TLCD4: variants seen among roughly 807,000 people sequenced by gnomAD.
TLCD4 encodes the protein TLC domain containing 4.
Under a neutral mutation model 24.2 loss-of-function variants are expected in TLCD4, and 7 were observed. The ratio of observed to expected loss-of-function variants is 0.29; its 90% CI spans 0.16 to 0.54. The LOEUF is 0.54. TLCD4 is among the 20% of genes least tolerant of loss of function. The pLI, the probability that TLCD4 is intolerant of heterozygous loss-of-function variation, is 0.95. For synonymous variants in TLCD4, 103 were observed against 106.4 expected (o/e 0.97, Z 0.20); for missense variants, 259 against 313.9 (o/e 0.82, Z 1.32).
At chr1:95,093,799 C>A in the TLCD4 span, among the ~76,000 whole-genome samples, 1 of 152,160 alleles carries the variant, frequency 6.6e-6, no homozygotes, top group African/African-American at 2.4e-5. Context: ...ATGAATTTAC[C>A]ACAGGAGAGA....
At chr1:95,166,828 A>G (rs1167294583) in intron 5 of TLCD4, among the ~76,000 whole-genome samples, 1 of 152,128 alleles carries the variant, frequency 6.6e-6, no homozygotes, top group African/African-American at 2.4e-5. Flanking sequence ...TCCTGAGCTC[A>G]AGTGATCCTC....
Position 95,153,074 on chromosome 1 carries a change from C to CT in TLCD4, c.399+1665dup, listed in dbSNP as rs892844639. ...CCACCATATTATTATTATTTATTTTCTTTTTTTTTTGAGATGGAGTCTTGC... is the reference window on the plus strand; with the variant it reads ...CCACCATATTATTATTATTTATTTTCTTTTTTTTTTTGAGATGGAGTCTTGC... On this transcript the variant is annotated intron_variant, in intron 5 of 6. Coordinates refer to ENST00000370203, the MANE Select transcript of TLCD4 (RefSeq NM_152487.3). Among the ~76,000 whole-genome samples the CT allele has an allele frequency of 1.7e-3, 249 of 148,004 alleles. 1 individual carries two copies. The highest frequency in any genetic ancestry group is 5.3e-3 in the African/African-American group (214 of 40,418).
At chr1:95,119,683 A>T (rs1484384479) in intron 1 of TLCD4, among the ~76,000 whole-genome samples, 1 of 151,830 alleles carries the variant, frequency 6.6e-6, no homozygotes, top group Non-Finnish European at 1.5e-5. Flanking sequence ...AGACCTGTTT[A>T]CTCTCCTCTT....
At chr1:95,118,396 C>G (rs1295617321) in intron 1 of TLCD4, among the ~76,000 whole-genome samples, 5 of 152,096 alleles carry the variant, frequency 3.3e-5, no homozygotes, top group Non-Finnish European at 7.3e-5. Context: ...GTCGCTGTTG[C>G]TGGTCTGTAT....
At position 95,141,834 on chromosome 1, in the gene TLCD4, A is replaced by ACACAC. The variant is rs1557682582; in HGVS notation, c.-11-2057_-11-2056insCACAC. Among the ~76,000 whole-genome samples the ACACAC allele has an allele frequency of 8.8e-4, 62 of 70,818 alleles. No homozygotes were observed. In the East Asian group the frequency reaches 0.017, roughly 19 times the overall value. The allele number at this position is 70,818 out of a possible 152,430, so 46.5% of individuals were successfully genotyped here. ...ACACACACACACACACACACACACA[A>ACACAC]AGAATGAGGAAAGAATTCATTATAG... On this transcript the variant is annotated intron_variant, in intron 1 of 6. Coordinates refer to ENST00000370203, the MANE Select transcript of TLCD4 (RefSeq NM_152487.3).
chr1:95,118,726 A>G (rs1676497086), intron 1 of TLCD4, among the ~76,000 whole-genome samples: 1 of 152,212 alleles, frequency 6.6e-6, no homozygotes, highest in Admixed American at 6.5e-5. Flanking sequence ...GTAATAAGTT[A>G]GAGAATCCCA....
chr1:95,170,551 G>C (rs969828244), intron 5 of TLCD4, among the ~76,000 whole-genome samples: 1 of 152,022 alleles, frequency 6.6e-6, no homozygotes, highest in Admixed American at 6.5e-5. Context: ...GGATGGTCTC[G>C]ATCTCCTGAC....
chr1:95,163,517 G>C (rs529197326), intron 5 of TLCD4: 1 of 152,290 alleles, frequency 6.6e-6, no homozygotes, highest in East Asian at 1.9e-4. Context: ...TGTCAAAGTT[G>C]TTCTCTGTCC....
intron 1 of TLCD4, among the ~76,000 whole-genome samples, chr1:95,122,999 G>A (rs996380789): frequency 6.6e-6 from 1 of 151,610 alleles, no homozygotes; most frequent in Non-Finnish European, 1.5e-5. Flanking sequence ...AGAGAAATAG[G>A]GTCTCACTGT....
At chr1:95,162,476 T>G (rs1180898004) in intron 5 of TLCD4, among the ~76,000 whole-genome samples, 1 of 152,096 alleles carries the variant, frequency 6.6e-6, no homozygotes, top group Non-Finnish European at 1.5e-5. Context: ...CTGTGTCTTT[T>G]AATTGGCTCA....
rs543097341 is a variant in TLCD4, at chr1:95,176,558, A to C, written c.473+2669A>C. On this transcript the variant is annotated intron_variant, in intron 6 of 6. Transcript: ENST00000370203. ...GTACTGAATATTGATACTTTATCAAATACATGATTTGGAAATATTTTCATC... is the reference window on the plus strand; with the variant it reads ...GTACTGAATATTGATACTTTATCAACTACATGATTTGGAAATATTTTCATC... 3.3e-5 allele frequency among the ~76,000 whole-genome samples: 5 copies of C among 152,330 alleles called. No individual in the cohort carries two copies. In the South Asian group the frequency reaches 1.0e-3, roughly 32 times the overall value.
intron 1 of TLCD4, among the ~76,000 whole-genome samples, chr1:95,133,508 A>G (rs1439602014): frequency 1.3e-5 from 2 of 152,268 alleles, no homozygotes; most frequent in Non-Finnish European, 2.9e-5. Flanking sequence ...AGAGAGGTTG[A>G]CCTTAGGTGG....
chr1:95,171,058 C>CT (rs995370678), intron 5 of TLCD4, among the ~76,000 whole-genome samples: 8 of 142,854 alleles, frequency 5.6e-5, no homozygotes, highest in East Asian at 4.3e-4. Flanking sequence ...CATCCCCCCC[C>CT]TTTTTTTTAG....
the TLCD4 span, among the ~76,000 whole-genome samples, chr1:95,111,107 C>T: frequency 6.7e-6 from 1 of 149,088 alleles, no homozygotes; most frequent in Non-Finnish European, 1.5e-5. Flanking sequence ...GCCTAGGCAA[C>T]AGAGCAAGAC....
Position 95,197,581 on chromosome 1 carries a change from A to G in TLCD4, c.*5713A>G, listed in dbSNP as rs989684406. ...GCTTTGTATTTTGTGGAAAAAAACA[A>G]TAAAATCACAATTATTTAGTGCAAA... is the stretch of plus-strand genomic sequence containing the variant. On this transcript the variant is annotated 3_prime_UTR_variant, in exon 7 of 7. Transcript: ENST00000370203. 6.6e-6 allele frequency: 1 copy of G among 152,202 alleles called. No individual in the cohort carries two copies. The highest frequency in any genetic ancestry group is 2.4e-5 in the African/African-American group (1 of 41,462). The allele number at this position is 152,202 out of a possible 1,614,324, so 9.4% of individuals were successfully genotyped here. A position where few individuals can be genotyped will look rare whatever the true frequency, so the allele number is the denominator to read the frequency against.
rs909174533 is a variant in TLCD4, at chr1:95,195,705, G to C, written c.*3837G>C. ...ACACAGCTCATTGAAATACATTAAAGCTACTGAAAGTGAGTTCTGATGCAA... is the reference window on the plus strand; with the variant it reads ...ACACAGCTCATTGAAATACATTAAACCTACTGAAAGTGAGTTCTGATGCAA... On this transcript the variant is annotated 3_prime_UTR_variant, in exon 7 of 7. Coordinates refer to ENST00000370203, the MANE Select transcript of TLCD4 (RefSeq NM_152487.3). 1 of 152,138 alleles carries C rather than the reference G, an allele frequency of 6.6e-6. No homozygotes were observed. The highest frequency in any genetic ancestry group is 1.5e-5 in the Non-Finnish European group (1 of 68,016). The allele number at this position is 152,138 out of a possible 1,614,324, so 9.4% of individuals were successfully genotyped here.
rs200337389 is a variant in TLCD4 at position 95,139,455 on chromosome 1, A to ATTTTTTTTTTTTTTTTTTT, written c.-11-4432_-11-4414dup. Among the ~76,000 whole-genome samples, 22 of 93,988 alleles carry ATTTTTTTTTTTTTTTTTTT rather than the reference A, an allele frequency of 2.3e-4. 1 individual carries two copies. The highest frequency in any genetic ancestry group is 0.019 in the Middle Eastern group (2 of 108). The allele number at this position is 93,988 out of a possible 152,430, so 61.7% of individuals were successfully genotyped here. A position where few individuals can be genotyped will look rare whatever the true frequency, so the allele number is the denominator to read the frequency against. On this transcript the variant is annotated intron_variant, in intron 1 of 6. Transcript: ENST00000370203. Reference sequence around the variant, plus strand: ...ATAAACTTTTTTATTTAAACCTTTGATTTTTTTTTTTTTTTTTTTTTTGAG... The same window carrying ATTTTTTTTTTTTTTTTTTT: ...ATAAACTTTTTTATTTAAACCTTTGATTTTTTTTTTTTTTTTTTTTTTTTTTTTTTTTTTTTTTTTTGAG...
At chr1:95,137,699 C>T (rs1336207411) in intron 1 of TLCD4, among the ~76,000 whole-genome samples, 2 of 151,736 alleles carry the variant, frequency 1.3e-5, no homozygotes, top group East Asian at 3.9e-4. Flanking sequence ...CTTTCCTCCT[C>T]CTCTTCTTTT....
intron 5 of TLCD4, chr1:95,165,328 A>G (rs932218084): frequency 7.2e-5 from 11 of 152,172 alleles, no homozygotes; most frequent in African/African-American, 1.9e-4. Flanking sequence ...ACCAATGACT[A>G]TTGTTATGTG....
Sources: allele counts gnomAD v4.1 joint callset (sites outside exome capture counted in the v4.1 genomes callset), GRCh38; gene constraint gnomAD v4.1.1; transcripts MANE v1.5; gene names NCBI Gene and HGNC (gene_info 2026-07-23, HGNC 2026-07-21).